ZNF653: variants seen among roughly 807,000 people sequenced by gnomAD.
The protein encoded by ZNF653 is zinc finger protein 653, also known as 67 kDa zinc finger protein.
Under a neutral mutation model 59.9 loss-of-function variants are expected in ZNF653, and 37 were observed. The ratio of observed to expected loss-of-function variants is 0.62; its 90% confidence interval spans 0.48 to 0.81. The LOEUF is 0.81. Among genes scored for constraint, ZNF653 ranks in the 40% least tolerant of loss-of-function variants. The probability of loss-of-function intolerance (pLI) is 0.00; values close to 1 mark genes in which losing one functional copy is unlikely to be tolerated. For missense variants in ZNF653, 808 were observed against 881.1 expected (o/e 0.92, Z 1.05); for synonymous variants, 435 against 371.8 (o/e 1.17, Z -1.96).
chr19:11,498,253 C>T (rs912249032), intron 2 of ZNF653, 43 bp downstream of exon 2: 2 of 1,613,450 alleles, frequency 1.2e-6, no homozygotes, highest in Non-Finnish European at 1.7e-6. Context: ...ATTCCCACCG[C>T]TCCCAACTCT....
At position 11,505,670 on chromosome 19, in the gene ZNF653, G is replaced by A. The variant is rs776268106; in HGVS notation, c.117C>T (p.Leu39=). ...GTCGCCGGGCCCGGTCCGACTCCGT[G>A]AGTCGCGGCCGGCCCCGCGCCTTTC... ...AGRKARGRPR[L]TESDRARRRL... is the part of the protein sequence containing the mutation. The change falls in exon 1 of 9, where the codon CTC becomes CTT. Residue 39 remains leucine, a synonymous_variant. Transcript: ENST00000293771. 1.2e-5 allele frequency: 18 copies of A among 1,493,386 alleles called. No individual in the cohort carries two copies. The South Asian group carries it at 2.0e-4, about 17-fold the overall frequency. 92.5% of individuals were successfully genotyped at this position (1,493,386 alleles called of 1,614,324 possible). A position where few individuals can be genotyped will look rare whatever the true frequency, so the allele number is the denominator to read the frequency against.
intron 7 of ZNF653, among the ~76,000 whole-genome samples, chr19:11,485,070 A>AG (rs1178902318): frequency 6.7e-6 from 1 of 149,982 alleles, no homozygotes; most frequent in African/African-American, 2.5e-5. Flanking sequence ...CATTAAAAAA[A>AG]ACCAAAAAAA....
chr19:11,490,131 C>T (rs1375882027), intron 3 of ZNF653, among the ~76,000 whole-genome samples: 4 of 152,298 alleles, frequency 2.6e-5, no homozygotes, highest in African/African-American at 7.2e-5. Flanking sequence ...GGGGGGTTTC[C>T]ATGACCCCAT....
chr19:11,487,919 A>G lies in ZNF653; in HGVS notation c.560-16T>C. 6.4e-7 allele frequency: 1 copy of G among 1,554,708 alleles called. No individual in the cohort carries two copies. Among genetic ancestry groups the G allele is most frequent in the East Asian group, 2.3e-5 (1 of 44,104 alleles). On this transcript the variant is annotated splice_polypyrimidine_tract_variant and intron_variant, in intron 3 of 8. Transcript: ENST00000293771. This position sits in a 1 kb window ranked among gnomAD's most constrained non-coding sequence, Gnocchi z 5.1. ...CCATTGCCCACTGTGGGGACAGAAGAAAGGGAGTGGTTATGATAGCTGCAG... is the reference window on the plus strand; with the variant it reads ...CCATTGCCCACTGTGGGGACAGAAGGAAGGGAGTGGTTATGATAGCTGCAG...
chr19:11,487,743 C>T lies in ZNF653; in HGVS notation c.720G>A (p.Glu240=). The change falls in exon 4 of 9, where the codon GAG becomes GAA. Residue 240 remains glutamate, a synonymous_variant. Transcript: ENST00000293771. The surrounding 1 kb of genome is among the most constrained non-coding windows in gnomAD (Gnocchi z 5.1). ...PVGSSGLITQ[E]GVHIPFDVHH... is the part of the protein sequence containing the mutation. ...GGACGTCAAAGGGAATGTGCACGCC[C>T]TCCTGAGTGATGAGCCCGCTGCTGC... The T allele has an allele frequency of 1.2e-6, 2 of 1,613,456 alleles. No homozygotes were observed. The highest frequency in any genetic ancestry group is 1.1e-5 in the South Asian group (1 of 91,070).
At chr19:11,485,831 G>T in intron 6 of ZNF653, 61 bp from the exon 7 acceptor site, 1 of 1,370,236 alleles carries the variant, frequency 7.3e-7, no homozygotes, top group South Asian at 1.2e-5. Flanking sequence ...CTGGGAGGTG[G>T]GGAGAGATGA....
chr19:11,483,856 G>C lies in ZNF653; in HGVS notation c.1674C>G (p.Cys558Trp). The change falls in exon 9 of 9, where the codon TGC becomes TGG. Residue 558 changes from cysteine to tryptophan, a missense_variant. Coordinates refer to ENST00000293771, the MANE Select transcript of ZNF653 (RefSeq NM_138783.4). The part of the protein sequence containing the change: ...RTHTGETPLQ[C>W]EICGYQCRQR... ...GCCGGCACTGGTAGCCACAGATCTCGCACCTGCCGGGAGCCCGTGGCGGGA... is the reference window on the plus strand; with the variant it reads ...GCCGGCACTGGTAGCCACAGATCTCCCACCTGCCGGGAGCCCGTGGCGGGA... 1 of 1,455,700 alleles carries C rather than the reference G, an allele frequency of 6.9e-7. No individual in the cohort carries two copies. The highest frequency in any genetic ancestry group is 9.2e-7 in the Non-Finnish European group (1 of 1,088,410). The allele number at this position is 1,455,700 out of a possible 1,614,324, so 90.2% of individuals were successfully genotyped here.
rs748193946 is a variant in ZNF653, at chr19:11,483,435, C to T, written c.*247G>A. On this transcript the variant is annotated 3_prime_UTR_variant, in exon 9 of 9. Coordinates refer to ENST00000293771, the MANE Select transcript of ZNF653 (RefSeq NM_138783.4). ...GGCCTAGGGGAAGGGCATCTCCTTTCTCGCTCTTTAATCTCACTCTGCTCT... is the reference window on the plus strand; with the variant it reads ...GGCCTAGGGGAAGGGCATCTCCTTTTTCGCTCTTTAATCTCACTCTGCTCT... 13 of 1,316,414 alleles carry T rather than the reference C, an allele frequency of 9.9e-6. No homozygotes were observed. Among genetic ancestry groups the T allele is most frequent in the South Asian group, 1.8e-5 (1 of 54,056 alleles). The allele number at this position is 1,316,414 out of a possible 1,614,324, so 81.5% of individuals were successfully genotyped here.
At chr19:11,499,455 G>T (rs1379690417) in intron 1 of ZNF653, among the ~76,000 whole-genome samples, 1 of 151,798 alleles carries the variant, frequency 6.6e-6, no homozygotes. Context: ...AGTGGTCTTG[G>T]CCCACAGCCA....
chr19:11,503,607 G>C (rs1971669842), intron 1 of ZNF653, among the ~76,000 whole-genome samples: 1 of 151,572 alleles, frequency 6.6e-6, no homozygotes, highest in Admixed American at 6.6e-5. Flanking sequence ...AGGAGTTCGT[G>C]ACCAGCCTGG....
Position 11,495,152 on chromosome 19 carries a change from G to C in ZNF653, c.559+798C>G, listed in dbSNP as rs918158093. ...CACCCTCAGCCCTGACAGGACGCCT[G>C]GCAGTGTGCCCTACGCTCCTTCTCC... On this transcript the variant is annotated intron_variant, in intron 3 of 8. Coordinates refer to ENST00000293771, the MANE Select transcript of ZNF653 (RefSeq NM_138783.4). The surrounding 1 kb of genome is among the most constrained non-coding windows in gnomAD (Gnocchi z 4.9). 6.6e-6 allele frequency among the ~76,000 whole-genome samples: 1 copy of C among 152,142 alleles called. No homozygotes were observed. Among genetic ancestry groups the C allele is most frequent in the Non-Finnish European group, 1.5e-5 (1 of 68,018 alleles).
chr19:11,502,928 G>A (rs910399468), intron 1 of ZNF653, among the ~76,000 whole-genome samples: 7 of 152,108 alleles, frequency 4.6e-5, no homozygotes, highest in Admixed American at 6.6e-5. Context: ...CAGCTACTCG[G>A]GAGGCTGAGG....
intron 1 of ZNF653, among the ~76,000 whole-genome samples, 196 bp from the exon 2 acceptor site, chr19:11,498,535 C>G (rs1971611560): frequency 6.6e-6 from 1 of 152,130 alleles, no homozygotes; most frequent in Admixed American, 6.6e-5. Flanking sequence ...CCTTTGCCTC[C>G]CAGGTTCCAG....
chr19:11,493,541 G>C (rs1166240532), intron 3 of ZNF653, among the ~76,000 whole-genome samples: 2 of 152,102 alleles, frequency 1.3e-5, no homozygotes, highest in Non-Finnish European at 2.9e-5. Flanking sequence ...CCTCTTTCTG[G>C]ATAATTTCCC....
chr19:11,504,631 A>T, intron 1 of ZNF653: 1 of 903,454 alleles, frequency 1.1e-6, no homozygotes, highest in Non-Finnish European at 1.3e-6. Flanking sequence ...CCCCCAGAGA[A>T]ACATGAGAAC....
rs750989251 is a variant in ZNF653 at position 11,486,754 on chromosome 19, G to A, written c.1455+15C>T. The A allele has an allele frequency of 3.0e-5, 47 of 1,587,204 alleles. No homozygotes were observed. The highest frequency in any genetic ancestry group is 9.3e-5 in the East Asian group (4 of 43,046). Reference sequence around the variant, plus strand: ...TTGTGGGCCTGGCCCAGGCTGCTCCGGGTGGCGGCCTCACCTGGAAGCTGC... The same window carrying A: ...TTGTGGGCCTGGCCCAGGCTGCTCCAGGTGGCGGCCTCACCTGGAAGCTGC... On this transcript the variant is annotated intron_variant, in intron 6 of 8. Transcript: ENST00000293771.
At chr19:11,492,944 G>A (rs923773399) in intron 3 of ZNF653, among the ~76,000 whole-genome samples, 3 of 151,680 alleles carry the variant, frequency 2.0e-5, no homozygotes, top group African/African-American at 7.3e-5. Flanking sequence ...ACCGGGTTTT[G>A]CCATGTTGCC....
intron 8 of ZNF653, 33 bp from the exon 9 acceptor site, chr19:11,483,892 T>C (rs996275066): frequency 5.0e-6 from 4 of 806,814 alleles, no homozygotes; most frequent in Admixed American, 2.2e-5. Context: ...CGGGGCGGGG[T>C]CAGAGTGGGC....
intron 1 of ZNF653, among the ~76,000 whole-genome samples, chr19:11,503,059 T>G (rs1599569872): frequency 6.7e-6 from 1 of 149,598 alleles, no homozygotes; most frequent in Non-Finnish European, 1.5e-5. Context: ...GGGGGGGGCA[T>G]CAGGGGAAAT....
Sources: gnomAD v4.1 joint callset for allele counts (sites outside exome capture counted in the v4.1 genomes callset) on GRCh38, gnomAD v4.1.1 for gene constraint, Gnocchi (gnomAD v3.1) non-coding constraint, MANE v1.5 for transcripts, NCBI Gene and HGNC (gene_info 2026-07-23, HGNC 2026-07-21) for gene names.